Variants in BUB1 observed in about 807,000 individuals in gnomAD.
The protein encoded by BUB1 is mitotic checkpoint serine/threonine-protein kinase BUB1.
In BUB1, 84 loss-of-function variants were observed where a neutral mutation model predicts 135.2. That is an observed-to-expected ratio of 0.62 (90% CI 0.52 to 0.74). The LOEUF (loss-of-function observed/expected upper bound fraction) is 0.74. BUB1 is among the 30% of genes least tolerant of loss of function. The pLI, the probability that BUB1 is intolerant of heterozygous loss-of-function variation, is 0.00. For missense variants in BUB1, 1,162 were observed against 1,288.3 expected (o/e 0.90, Z 1.50); for synonymous variants, 403 against 434.4 (o/e 0.93, Z 0.90).
At chr2:110,649,213 T>C (rs746257655) in intron 19 of BUB1, 21 bp downstream of exon 19, 2 of 1,599,724 alleles carry the variant, frequency 1.3e-6, no homozygotes, top group Non-Finnish European at 1.7e-6. Flanking sequence ...TTTAAAGTTA[T>C]ATTATCCAAA....
intron 17 of BUB1, among the ~76,000 whole-genome samples, chr2:110,651,022 A>G (rs766874827): frequency 2.6e-5 from 4 of 152,222 alleles, no homozygotes; most frequent in Non-Finnish European, 2.9e-5. Flanking sequence ...GTGAGGTAAT[A>G]CATGGGATAT....
chr2:110,677,845 G>A (rs1394997209), intron 1 of BUB1, 125 bp downstream of exon 1: 1 of 1,169,004 alleles, frequency 8.6e-7, no homozygotes, highest in African/African-American at 1.6e-5. Context: ...TTGCTGGGTG[G>A]GACACATTCC....
At chr2:110,670,390 G>C (rs750560854) in intron 5 of BUB1, 135 bp downstream of exon 5, 8 of 926,572 alleles carry the variant, frequency 8.6e-6, no homozygotes, top group Non-Finnish European at 1.4e-5. Flanking sequence ...CACCCATCTT[G>C]GCCTCCCAAA....
At chr2:110,663,521 G>T (rs966893884) in intron 9 of BUB1, among the ~76,000 whole-genome samples, 4 of 152,192 alleles carry the variant, frequency 2.6e-5, no homozygotes, top group African/African-American at 9.6e-5. Context: ...TTGAAAAAGG[G>T]AGGCTTCTAG....
intron 1 of BUB1, among the ~76,000 whole-genome samples, chr2:110,676,189 AT>A (rs922466212): frequency 1.6e-4 from 24 of 150,746 alleles, no homozygotes; most frequent in Non-Finnish European, 2.2e-4. Flanking sequence ...CTATTAACCT[AT>A]TTTTTTTTAA....
At chr2:110,653,628 C>T (rs1034939807) in intron 16 of BUB1, 105 bp from the exon 17 acceptor site, 5 of 880,812 alleles carry the variant, frequency 5.7e-6, no homozygotes, top group Non-Finnish European at 9.0e-6. Context: ...TTGACACTGA[C>T]TTGCATTATG....
chr2:110,649,389 G>T lies in BUB1; in HGVS notation c.2204-12C>A. ...CCCAACAATGAAGTCTTAAAGGAAT[G>T]AGAAAAAAAAAAAAAAAGGGAACAT... On this transcript the variant is annotated splice_polypyrimidine_tract_variant and intron_variant, in intron 18 of 24. Coordinates refer to ENST00000302759, the MANE Select transcript of BUB1 (RefSeq NM_004336.5). The T allele has an allele frequency of 1.2e-5, 15 of 1,301,110 alleles. No individual in the cohort carries two copies. The highest frequency in any genetic ancestry group is 2.1e-5 in the South Asian group (1 of 47,522). 80.6% of individuals were successfully genotyped at this position (1,301,110 alleles called of 1,614,324 possible).
chr2:110,650,913 A>C, intron 17 of BUB1, 129 bp from the exon 18 acceptor site: 1 of 813,214 alleles, frequency 1.2e-6, no homozygotes, highest in Non-Finnish European at 2.0e-6. Context: ...CTAAAAGTTG[A>C]TTAAAGCATT....
chr2:110,677,695 T>C (rs772518501), intron 1 of BUB1, among the ~76,000 whole-genome samples: 1 of 152,168 alleles, frequency 6.6e-6, no homozygotes, highest in Non-Finnish European at 1.5e-5. Context: ...TTACAAAGAA[T>C]AAACGAGAGC....
At position 110,669,632 on chromosome 2, in the gene BUB1, T is replaced by C. The variant is rs1690363661; in HGVS notation, c.467-79A>G. On this transcript the variant is annotated intron_variant, in intron 5 of 24. Coordinates refer to ENST00000302759, the MANE Select transcript of BUB1 (RefSeq NM_004336.5). Reference sequence around the variant, plus strand: ...AAAATTATCACATAATAAATTCCCCTGATCCTTCCAGTAGGAATCATAAGA... The same window carrying C: ...AAAATTATCACATAATAAATTCCCCCGATCCTTCCAGTAGGAATCATAAGA... The C allele has an allele frequency of 1.0e-5, 9 of 892,988 alleles. No homozygotes were observed. The East Asian group carries it at 1.9e-4, about 19-fold the overall frequency. 55.3% of individuals were successfully genotyped at this position (892,988 alleles called of 1,614,324 possible). A position where few individuals can be genotyped will look rare whatever the true frequency, so the allele number is the denominator to read the frequency against.
chr2:110,676,296 T>C (rs1377191280), intron 1 of BUB1, among the ~76,000 whole-genome samples: 2 of 152,092 alleles, frequency 1.3e-5, no homozygotes, highest in Non-Finnish European at 2.9e-5. Flanking sequence ...TTCACTTCGC[T>C]GAGAAACAAT....
chr2:110,644,497 A>T (rs1010674979), intron 19 of BUB1, among the ~76,000 whole-genome samples: 1 of 151,692 alleles, frequency 6.6e-6, no homozygotes, highest in Non-Finnish European at 1.5e-5. Context: ...AAAAAAAAAA[A>T]ATTGAAGTAA....
intron 19 of BUB1, among the ~76,000 whole-genome samples, chr2:110,645,035 A>C (rs1689606900): frequency 6.6e-6 from 1 of 152,184 alleles, no homozygotes; most frequent in African/African-American, 2.4e-5. Context: ...AGTAGAAAAC[A>C]AATATAGTGA....
chr2:110,656,060 T>C (rs1689926649), intron 15 of BUB1, 144 bp from the exon 16 acceptor site: 1 of 674,380 alleles, frequency 1.5e-6, no homozygotes, highest in East Asian at 2.6e-5. Context: ...GCCCACAATA[T>C]CATGGTTCAG....
chr2:110,669,576 A>G (rs1362133460), intron 5 of BUB1, 23 bp from the exon 6 acceptor site: 1 of 1,461,082 alleles, frequency 6.8e-7, no homozygotes, highest in Non-Finnish European at 9.6e-7. Context: ...AGAGGATAAA[A>G]TACGGAGAAA....
intron 15 of BUB1, 53 bp from the exon 16 acceptor site, chr2:110,655,969 T>C (rs966793026): frequency 2.0e-6 from 3 of 1,526,228 alleles, no homozygotes; most frequent in Non-Finnish European, 2.7e-6. Context: ...CTTTAGTCCA[T>C]GAAACCTTAT....
chr2:110,663,150 G>A (rs1380767156), intron 9 of BUB1, among the ~76,000 whole-genome samples: 3 of 151,890 alleles, frequency 2.0e-5, no homozygotes, highest in Non-Finnish European at 2.9e-5. Context: ...CATGGTGGCG[G>A]GCGCCTGTAA....
At chr2:110,660,692 G>A (rs1690059691) in intron 10 of BUB1, among the ~76,000 whole-genome samples, 1 of 152,202 alleles carries the variant, frequency 6.6e-6, no homozygotes, top group Non-Finnish European at 1.5e-5. Context: ...ATTCATTACA[G>A]AGGTTAAAGA....
intron 24 of BUB1, among the ~76,000 whole-genome samples, chr2:110,639,326 T>C (rs988131927): frequency 1.3e-5 from 2 of 151,592 alleles, no homozygotes; most frequent in Non-Finnish European, 2.9e-5. Flanking sequence ...ATGAAGCACT[T>C]TCACATACAC....
Sources: gnomAD v4.1 joint callset for allele counts (sites outside exome capture counted in the v4.1 genomes callset) on GRCh38, gnomAD v4.1.1 for gene constraint, MANE v1.5 for transcripts, NCBI Gene and HGNC (gene_info 2026-07-23, HGNC 2026-07-21) for gene names.